CABLES1: variants seen among roughly 807,000 people sequenced by gnomAD.
CABLES1 encodes CDK5 and ABL1 enzyme substrate 1.
A neutral mutation model predicts 57.8 loss-of-function variants in CABLES1; 36 were observed. That is an observed-to-expected ratio of 0.62 (90% CI 0.48 to 0.82). The LOEUF (loss-of-function observed/expected upper bound fraction) is 0.82, where lower values mean the gene tolerates loss of function less well. Among genes scored for constraint, CABLES1 ranks in the 40% least tolerant of loss-of-function variants. The probability of loss-of-function intolerance (pLI) is 0.00; values close to 1 mark genes in which losing one functional copy is unlikely to be tolerated. For missense variants in CABLES1, 767 were observed against 836.6 expected (o/e 0.92, Z 1.03); for synonymous variants, 374 against 363.0 (o/e 1.03, Z -0.35).
intron 1 of CABLES1, among the ~76,000 whole-genome samples, chr18:23,166,177 A>G (rs74371363): frequency 0.025 from 3,811 of 152,022 alleles, 58 homozygotes; most frequent in South Asian, 0.071. Context: ...ATATGTATTT[A>G]TATCTCTATG....
intron 3 of CABLES1, among the ~76,000 whole-genome samples, chr18:23,212,318 C>A (rs1327415269): frequency 2.0e-5 from 3 of 152,210 alleles, no homozygotes; most frequent in Non-Finnish European, 2.9e-5. Context: ...TGTACTCTTA[C>A]AGCATTCCAA....
At chr18:23,224,942 A>G (rs1804068079) in intron 4 of CABLES1, among the ~76,000 whole-genome samples, 1 of 152,004 alleles carries the variant, frequency 6.6e-6, no homozygotes, top group South Asian at 2.1e-4. Flanking sequence ...ATCTCAGCTC[A>G]CTGCAGCCTT....
intron 7 of CABLES1, among the ~76,000 whole-genome samples, chr18:23,251,459 T>C (rs545032961): frequency 2.0e-5 from 3 of 150,690 alleles, no homozygotes; most frequent in Admixed American, 2.0e-4. Flanking sequence ...TCAAAAAAAA[T>C]AAAAAAAGAT....
At position 23,136,138 on chromosome 18, in the gene CABLES1, G is replaced by T; in HGVS notation, c.376G>T (p.Gly126Cys). The change falls in exon 1 of 10, where the codon GGC becomes TGC. Residue 126 changes from glycine to cysteine, a missense_variant. Transcript: ENST00000256925. Reference sequence around the variant, plus strand: ...CGGCTGCATCGCGCTCGCCGCGCCGGGCACGCCGGCTGCGGGGTTAGCCGC... The same window carrying T: ...CGGCTGCATCGCGCTCGCCGCGCCGTGCACGCCGGCTGCGGGGTTAGCCGC... ...RGGCIALAAP[G>C]TPAAGLAAGS... 8.3e-7 allele frequency: 1 copy of T among 1,203,124 alleles called. No individual in the cohort carries two copies. The highest frequency in any genetic ancestry group is 1.0e-6 in the Non-Finnish European group (1 of 969,822). 74.5% of individuals were successfully genotyped at this position (1,203,124 alleles called of 1,614,324 possible).
intron 4 of CABLES1, among the ~76,000 whole-genome samples, chr18:23,233,086 C>G (rs1448889611): frequency 6.6e-6 from 1 of 152,118 alleles, no homozygotes; most frequent in Non-Finnish European, 1.5e-5. Flanking sequence ...TCTGAGGTGC[C>G]TTTGACTAAC....
chr18:23,222,146 G>A (rs185586983), intron 4 of CABLES1, among the ~76,000 whole-genome samples: 57 of 152,170 alleles, frequency 3.7e-4, no homozygotes, highest in African/African-American at 1.3e-3. Context: ...TGGCCTTGGC[G>A]TTCCTCTCCA....
At chr18:23,152,456 A>G (rs556245336) in intron 1 of CABLES1, among the ~76,000 whole-genome samples, 11 of 150,532 alleles carry the variant, frequency 7.3e-5, no homozygotes, top group African/African-American at 2.4e-4. Flanking sequence ...ATGGTTAGAT[A>G]CCATCTCAAG....
At chr18:23,164,771 A>G (rs2047029897) in intron 1 of CABLES1, among the ~76,000 whole-genome samples, 1 of 151,222 alleles carries the variant, frequency 6.6e-6, no homozygotes, top group Non-Finnish European at 1.5e-5. Flanking sequence ...TCTCTTAACT[A>G]TTCTTTTTTT....
chr18:23,162,179 C>CAAAA (rs2144976997), intron 1 of CABLES1, among the ~76,000 whole-genome samples: 2 of 151,634 alleles, frequency 1.3e-5, no homozygotes, highest in South Asian at 4.2e-4. Context: ...AAAAAAACAA[C>CAAAA]AAAGAGAATC....
intron 1 of CABLES1, among the ~76,000 whole-genome samples, chr18:23,158,819 GTGAAGAGCAAA>G (rs565012469): frequency 4.6e-5 from 7 of 152,294 alleles, no homozygotes; most frequent in Non-Finnish European, 1.0e-4. Flanking sequence ...GCGTAATTGG[GTGAAGAGCAAA>G]TGATCATGCC....
intron 3 of CABLES1, among the ~76,000 whole-genome samples, chr18:23,200,465 T>C (rs900773762): frequency 6.6e-6 from 1 of 152,154 alleles, no homozygotes; most frequent in Admixed American, 6.5e-5. Flanking sequence ...GGTTTCACCA[T>C]GTTAGCCAGG....
chr18:23,207,278 C>T (rs2047370890), intron 3 of CABLES1, among the ~76,000 whole-genome samples: 1 of 152,164 alleles, frequency 6.6e-6, no homozygotes, highest in African/African-American at 2.4e-5. Context: ...TTGGTCAAAG[C>T]GTTGTACAGA....
chr18:23,170,029 C>G (rs1215675995), intron 1 of CABLES1, among the ~76,000 whole-genome samples: 2 of 152,214 alleles, frequency 1.3e-5, no homozygotes, highest in African/African-American at 4.8e-5. Flanking sequence ...TCAGCTCCCC[C>G]TGCTCTGGAA....
Position 23,165,755 on chromosome 18 carries a change from C to T in CABLES1, c.846-23083C>T, listed in dbSNP as rs141345689. Among the ~76,000 whole-genome samples, 73 of 152,318 alleles carry T rather than the reference C, an allele frequency of 4.8e-4. 1 individual carries two copies. The East Asian group carries it at 0.013, about 26-fold the overall frequency. On this transcript the variant is annotated intron_variant, in intron 1 of 9. Transcript: ENST00000256925. ...AAACTTTGCTTATTCGTTCATTCTTCGATGGACACTTGGTTGCTTCCACTT... is the reference window on the plus strand; with the variant it reads ...AAACTTTGCTTATTCGTTCATTCTTTGATGGACACTTGGTTGCTTCCACTT...
intron 1 of CABLES1, among the ~76,000 whole-genome samples, chr18:23,174,022 T>C (rs1394717260): frequency 3.3e-5 from 5 of 152,218 alleles, no homozygotes; most frequent in African/African-American, 4.8e-5. Flanking sequence ...TTCACAAGCT[T>C]GTGCAGTTGT....
At chr18:23,251,413 T>G (rs1290236694) in intron 7 of CABLES1, among the ~76,000 whole-genome samples, 1 of 152,050 alleles carries the variant, frequency 6.6e-6, no homozygotes, top group Non-Finnish European at 1.5e-5. Flanking sequence ...ATTGCGCCAC[T>G]GTACTCCAGC....
At chr18:23,165,464 T>C in intron 1 of CABLES1, among the ~76,000 whole-genome samples, 1 of 152,074 alleles carries the variant, frequency 6.6e-6, no homozygotes, top group East Asian at 1.9e-4. Flanking sequence ...GCATCCACTC[T>C]CCGGAACCCT....
At chr18:23,152,828 T>A (rs1269693407) in intron 1 of CABLES1, among the ~76,000 whole-genome samples, 8 of 150,978 alleles carry the variant, frequency 5.3e-5, no homozygotes, top group Non-Finnish European at 4.4e-5. Context: ...TGAGACAGAG[T>A]TTCGCTCTTG....
chr18:23,224,219 A>G (rs58250486), intron 4 of CABLES1, among the ~76,000 whole-genome samples: 8,351 of 151,696 alleles, frequency 0.055, 627 homozygotes, highest in Admixed American at 0.22. Flanking sequence ...CTGGAGAATC[A>G]GGAATGGGCA....
Sources: allele counts gnomAD v4.1 joint callset (sites outside exome capture counted in the v4.1 genomes callset), GRCh38; gene constraint gnomAD v4.1.1; transcripts MANE v1.5; gene names NCBI Gene and HGNC (gene_info 2026-07-23, HGNC 2026-07-21).